TUSC3: variants seen among roughly 807,000 people sequenced by gnomAD.
The protein encoded by TUSC3 is tumor suppressor candidate 3, also known as dolichyl-diphosphooligosaccharide--protein glycosyltransferase subunit TUSC3.
In TUSC3, 45 loss-of-function variants were observed where a neutral mutation model predicts 44.8. The observed-to-expected ratio is 1.00, with a 90% CI of 0.79 to 1.29. The LOEUF (loss-of-function observed/expected upper bound fraction) is 1.29, where lower values mean the gene tolerates loss of function less well. Ranked by LOEUF, TUSC3 falls within the 50% of genes most tolerant of loss-of-function variation. The probability of loss-of-function intolerance (pLI) is 0.00; values close to 1 mark genes in which losing one functional copy is unlikely to be tolerated. For missense variants in TUSC3, 519 were observed against 437.9 expected (o/e 1.19, Z -1.65); for synonymous variants, 212 against 152.9 (o/e 1.39, Z -2.85).
intron 1 of TUSC3, among the ~76,000 whole-genome samples, chr8:15,594,987 C>A (rs1381863633): frequency 6.6e-6 from 1 of 152,094 alleles, no homozygotes; most frequent in Non-Finnish European, 1.5e-5. Flanking sequence ...AGGTTTTATA[C>A]TTCGGGGCAA....
chr8:15,514,134 G>T (rs1170813447), intron 2 of TUSC3, among the ~76,000 whole-genome samples: 3 of 152,126 alleles, frequency 2.0e-5, no homozygotes, highest in Admixed American at 6.6e-5. Context: ...AGTCTAGCTG[G>T]ATTTAATGTA....
At chr8:15,694,039 T>G (rs1351933262) in intron 6 of TUSC3, among the ~76,000 whole-genome samples, 2 of 152,136 alleles carry the variant, frequency 1.3e-5, no homozygotes. Context: ...CTGTATAGTT[T>G]TATTGTATTC....
At chr8:15,838,199 G>T in the TUSC3 span, among the ~76,000 whole-genome samples, 1 of 152,262 alleles carries the variant, frequency 6.6e-6, no homozygotes, top group African/African-American at 2.4e-5. Context: ...TTGTAAGCAA[G>T]AAATTTTGGT....
At chr8:15,491,133 GATAAA>G (rs1371673012) in intron 2 of TUSC3, among the ~76,000 whole-genome samples, 1 of 152,188 alleles carries the variant, frequency 6.6e-6, no homozygotes, top group Non-Finnish European at 1.5e-5. Context: ...TTTTATATAA[GATAAA>G]ATAAAGATAG....
At chr8:15,596,915 C>T (rs949955021) in intron 1 of TUSC3, among the ~76,000 whole-genome samples, 8 of 151,984 alleles carry the variant, frequency 5.3e-5, no homozygotes, top group African/African-American at 1.7e-4. Context: ...TGACTGCAGG[C>T]TGTGATAGAT....
At chr8:15,608,943 C>G (rs945990417) in intron 1 of TUSC3, among the ~76,000 whole-genome samples, 1 of 152,136 alleles carries the variant, frequency 6.6e-6, no homozygotes, top group Non-Finnish European at 1.5e-5. Flanking sequence ...TTGACTTGCT[C>G]TTGCCATTTG....
intron 2 of TUSC3, among the ~76,000 whole-genome samples, chr8:15,527,947 C>T (rs988653329): frequency 6.6e-6 from 1 of 151,968 alleles, no homozygotes; most frequent in Admixed American, 6.6e-5. Flanking sequence ...GATGAAATTC[C>T]ATTAGCTAAT....
At chr8:15,717,915 A>T (rs1444298613) in intron 6 of TUSC3, among the ~76,000 whole-genome samples, 1 of 152,086 alleles carries the variant, frequency 6.6e-6, no homozygotes, top group African/African-American at 2.4e-5. Context: ...GAGAATGAAG[A>T]TTCTATTTTG....
At chr8:15,557,001 T>C (rs1409594766) in intron 1 of TUSC3, among the ~76,000 whole-genome samples, 1 of 145,916 alleles carries the variant, frequency 6.9e-6, no homozygotes, top group Non-Finnish European at 1.5e-5. Context: ...AGAAGCTCTT[T>C]AGTTTAATTA....
chr8:15,733,976 C>G (rs1387492662), intron 7 of TUSC3, among the ~76,000 whole-genome samples: 1 of 152,114 alleles, frequency 6.6e-6, no homozygotes, highest in Non-Finnish European at 1.5e-5. Context: ...CCCGGGAGGT[C>G]AAGGCTGCAG....
At chr8:15,809,000 C>A in the TUSC3 span, among the ~76,000 whole-genome samples, 1 of 152,102 alleles carries the variant, frequency 6.6e-6, no homozygotes, top group Admixed American at 6.5e-5. Context: ...AAGTTTGGCT[C>A]CTCACTGCTT....
At chr8:15,535,886 A>G (rs140890140), upstream of TUSC3, among the ~76,000 whole-genome samples, 119 of 152,292 alleles carry the variant, frequency 7.8e-4, no homozygotes, top group African/African-American at 2.7e-3. Flanking sequence ...AACATCTATC[A>G]TGGTCAAACT....
At chr8:15,435,780 G>C (rs1191737958) in intron 1 of TUSC3, among the ~76,000 whole-genome samples, 2 of 152,214 alleles carry the variant, frequency 1.3e-5, no homozygotes, top group African/African-American at 4.8e-5. Context: ...AATCTGGATA[G>C]GCATAGCGTT....
intron 1 of TUSC3, among the ~76,000 whole-genome samples, chr8:15,417,620 AGTTAGG>A (rs1799675423): frequency 6.6e-6 from 1 of 152,188 alleles, no homozygotes; most frequent in South Asian, 2.1e-4. Context: ...GTAAAGAAGG[AGTTAGG>A]GTAAATATAT....
intron 1 of TUSC3, among the ~76,000 whole-genome samples, chr8:15,427,880 C>G: frequency 6.6e-6 from 1 of 152,080 alleles, no homozygotes; most frequent in Admixed American, 6.6e-5. Context: ...TGTACAGTTT[C>G]AAGTTTTCCA....
chr8:15,596,142 C>T (rs1804056333), intron 1 of TUSC3, among the ~76,000 whole-genome samples: 1 of 152,128 alleles, frequency 6.6e-6, no homozygotes, highest in African/African-American at 2.4e-5. Flanking sequence ...GTATTCTTTC[C>T]TATTTTATAG....
At chr8:15,427,355 T>TG (rs1419943041) in intron 1 of TUSC3, among the ~76,000 whole-genome samples, 3 of 151,794 alleles carry the variant, frequency 2.0e-5, no homozygotes, top group Middle Eastern at 3.4e-3. Context: ...CATCAGGTGA[T>TG]GGACAAGCAG....
the TUSC3 span, among the ~76,000 whole-genome samples, chr8:15,795,256 C>T: frequency 3.3e-5 from 5 of 152,124 alleles, no homozygotes; most frequent in African/African-American, 1.2e-4. Context: ...GATGCATTAG[C>T]ATTTGCAAAG....
chr8:15,607,436 G>T (rs1034749105), intron 1 of TUSC3, among the ~76,000 whole-genome samples: 1 of 152,048 alleles, frequency 6.6e-6, no homozygotes, highest in African/African-American at 2.4e-5. Context: ...ACATACATTT[G>T]TAAAATAATT....
Sources: gnomAD v4.1 joint callset for allele counts (sites outside exome capture counted in the v4.1 genomes callset) on GRCh38, gnomAD v4.1.1 for gene constraint, MANE v1.5 for transcripts, NCBI Gene and HGNC (gene_info 2026-07-23, HGNC 2026-07-21) for gene names.